Variants in HMGCLL1 observed in about 807,000 individuals in gnomAD.
HMGCLL1 encodes the protein 3-hydroxy-3-methylglutaryl-CoA lyase like 1.
In HMGCLL1, 36 loss-of-function variants were observed where a neutral mutation model predicts 39.1. The ratio of observed to expected loss-of-function variants is 0.92; its 90% CI spans 0.71 to 1.22. The LOEUF (loss-of-function observed/expected upper bound fraction) is 1.22. Ranked by LOEUF, HMGCLL1 falls within the 50% of genes most tolerant of loss-of-function variation. HMGCLL1 has a pLI of 0.00. For synonymous variants in HMGCLL1, 149 were observed against 144.0 expected, an observed-to-expected ratio of 1.03 and a Z score of -0.25; for missense variants, 451 against 416.5, an observed-to-expected ratio of 1.08 and a Z score of -0.72.
intron 7 of HMGCLL1, among the ~76,000 whole-genome samples, chr6:55,446,084 A>G (rs931023250): frequency 6.6e-6 from 1 of 151,924 alleles, no homozygotes; most frequent in Non-Finnish European, 1.5e-5. Flanking sequence ...CTTGGAATAA[A>G]TAAAAGTCCT....
chr6:55,604,443 T>C, the HMGCLL1 span, among the ~76,000 whole-genome samples: 1 of 152,170 alleles, frequency 6.6e-6, no homozygotes, highest in East Asian at 1.9e-4. Context: ...ACTTTGTGTT[T>C]CTCAAGTTTT....
the HMGCLL1 span, among the ~76,000 whole-genome samples, chr6:55,590,003 A>T: frequency 3.3e-5 from 5 of 150,218 alleles, no homozygotes; most frequent in Non-Finnish European, 7.5e-5. Context: ...ATTCAATGCC[A>T]TCCCCATCAA....
chr6:55,539,349 A>AGTATT (rs1404839119), intron 3 of HMGCLL1, among the ~76,000 whole-genome samples: 8 of 152,200 alleles, frequency 5.3e-5, no homozygotes, highest in Non-Finnish European at 1.2e-4. Context: ...GTATATAACC[A>AGTATT]AAGGAATATA....
intron 3 of HMGCLL1, among the ~76,000 whole-genome samples, chr6:55,529,802 A>T (rs1250626648): frequency 1.3e-5 from 2 of 152,090 alleles, no homozygotes; most frequent in Non-Finnish European, 2.9e-5. Context: ...ATGGTTATCG[A>T]TAGCAACTAC....
intron 3 of HMGCLL1, among the ~76,000 whole-genome samples, chr6:55,538,056 C>G (rs1769132522): frequency 6.6e-6 from 1 of 151,946 alleles, no homozygotes; most frequent in African/African-American, 2.4e-5. Context: ...AGAAGTGTAG[C>G]CTTCTAAAAA....
chr6:55,653,927 A>C, the HMGCLL1 span, among the ~76,000 whole-genome samples: 1 of 152,056 alleles, frequency 6.6e-6, no homozygotes, highest in African/African-American at 2.4e-5. Context: ...AGTCTTGAGA[A>C]GTTTCATATC....
At chr6:55,504,738 G>A (rs748183800) in intron 5 of HMGCLL1, among the ~76,000 whole-genome samples, 7 of 151,478 alleles carry the variant, frequency 4.6e-5, no homozygotes, top group Non-Finnish European at 7.4e-5. Context: ...CATGGATATT[G>A]AGGGCCTACT....
chr6:55,597,554 T>C, the HMGCLL1 span, among the ~76,000 whole-genome samples: 1 of 151,826 alleles, frequency 6.6e-6, no homozygotes, highest in African/African-American at 2.4e-5. Flanking sequence ...TTGTAAGAGC[T>C]TGGTGCTCAT....
intron 3 of HMGCLL1, among the ~76,000 whole-genome samples, chr6:55,524,338 T>C (rs1768196279): frequency 6.6e-6 from 1 of 151,910 alleles, no homozygotes; most frequent in East Asian, 1.9e-4. Context: ...TTTATTTTTC[T>C]GAATTTTGAG....
In HMGCLL1 at chr6:55,514,214, T is replaced by C; in HGVS notation, c.394-18A>G. 1 of 1,582,916 alleles carries C rather than the reference T, an allele frequency of 6.3e-7. No individual in the cohort carries two copies. Among genetic ancestry groups the C allele is most frequent in the South Asian group, 1.2e-5 (1 of 85,554 alleles). ...GCAGCAACCTGAAAAATATATAATTTAAAGCCAAATCTAATAACTTCAAAA... is the reference window on the plus strand; with the variant it reads ...GCAGCAACCTGAAAAATATATAATTCAAAGCCAAATCTAATAACTTCAAAA... On this transcript the variant is annotated intron_variant, in intron 4 of 8. Coordinates refer to ENST00000274901, the MANE Select transcript of HMGCLL1 (RefSeq NM_001042406.2).
chr6:55,631,576 G>T, the HMGCLL1 span, among the ~76,000 whole-genome samples: 2 of 152,078 alleles, frequency 1.3e-5, no homozygotes, highest in Admixed American at 1.3e-4. Flanking sequence ...AGCAATATTT[G>T]CATTTTTCAT....
At chr6:55,663,188 G>A in the HMGCLL1 span, among the ~76,000 whole-genome samples, 5 of 150,218 alleles carry the variant, frequency 3.3e-5, no homozygotes, top group East Asian at 9.8e-4. Flanking sequence ...ATCTCCTTCA[G>A]TTCCGCTCTG....
chr6:55,498,733 C>T (rs570044836), intron 6 of HMGCLL1, among the ~76,000 whole-genome samples: 1 of 152,116 alleles, frequency 6.6e-6, no homozygotes, highest in African/African-American at 2.4e-5. Context: ...TAACCTATTG[C>T]TGTAAAATTG....
the HMGCLL1 span, among the ~76,000 whole-genome samples, chr6:55,662,817 T>A: frequency 6.6e-6 from 1 of 151,608 alleles, no homozygotes; most frequent in African/African-American, 2.4e-5. Flanking sequence ...GACCCTGGGT[T>A]TTGTTGTTGT....
chr6:55,588,691 C>T, the HMGCLL1 span, among the ~76,000 whole-genome samples: 1 of 151,928 alleles, frequency 6.6e-6, no homozygotes, highest in Non-Finnish European at 1.5e-5. Flanking sequence ...AGAGAAGAAT[C>T]AAATAGACTC....
chr6:55,637,953 T>C, the HMGCLL1 span, among the ~76,000 whole-genome samples: 1 of 152,264 alleles, frequency 6.6e-6, no homozygotes, highest in South Asian at 2.1e-4. Flanking sequence ...TAATTTGTAT[T>C]ATCCATATTA....
At chr6:55,623,799 T>G in the HMGCLL1 span, among the ~76,000 whole-genome samples, 1 of 151,922 alleles carries the variant, frequency 6.6e-6, no homozygotes, top group African/African-American at 2.4e-5. Flanking sequence ...CCATTTGGCC[T>G]TTCCCACCAT....
intron 1 of HMGCLL1, among the ~76,000 whole-genome samples, chr6:55,558,445 C>A (rs1770779074): frequency 6.6e-6 from 1 of 152,036 alleles, no homozygotes; most frequent in South Asian, 2.1e-4. Flanking sequence ...TTGTTAGGAC[C>A]ATAAATTACT....
At chr6:55,552,836 A>G (rs953035051) in intron 1 of HMGCLL1, among the ~76,000 whole-genome samples, 1 of 151,902 alleles carries the variant, frequency 6.6e-6, no homozygotes, top group African/African-American at 2.4e-5. Flanking sequence ...GAAATCTTAC[A>G]AAAGTTTTAA....
Sources: gnomAD v4.1 joint callset for allele counts (sites outside exome capture counted in the v4.1 genomes callset) on GRCh38, gnomAD v4.1.1 for gene constraint, MANE v1.5 for transcripts, NCBI Gene and HGNC (gene_info 2026-07-23, HGNC 2026-07-21) for gene names.